The following ARHGAP44 variants were observed in gnomAD, a reference collection of about 807,000 sequenced individuals.
The protein encoded by ARHGAP44 is Rho GTPase activating protein 44, also known as rho GTPase-activating protein 44.
In ARHGAP44, 43 loss-of-function variants were observed where a neutral mutation model predicts 106.8. That is an observed-to-expected ratio of 0.40 (90% CI 0.32 to 0.52). The LOEUF (loss-of-function observed/expected upper bound fraction) is 0.52. Ranked by LOEUF, ARHGAP44 falls within the 20% of genes least tolerant of loss-of-function variation. ARHGAP44 has a pLI of 0.48. For missense variants in ARHGAP44, 866 were observed against 1,050.5 expected (o/e 0.82, Z 2.43); for synonymous variants, 439 against 410.3 (o/e 1.07, Z -0.85).
chr17:12,846,768 A>G (rs1051163801), intron 1 of ARHGAP44, among the ~76,000 whole-genome samples: 5 of 152,388 alleles, frequency 3.3e-5, no homozygotes, highest in Admixed American at 3.3e-4. Context: ...ACAGGACCAC[A>G]GACTATTGAC....
chr17:12,983,660 CAG>C (rs1567724364), intron 19 of ARHGAP44, among the ~76,000 whole-genome samples: 1 of 151,606 alleles, frequency 6.6e-6, no homozygotes, highest in Non-Finnish European at 1.5e-5. Context: ...CAAAATTAGC[CAG>C]GCGTGGTGGT....
In ARHGAP44 at chr17:12,810,373, G is replaced by T. The variant is rs546002735; in HGVS notation, c.53+20482G>T. On this transcript the variant is annotated intron_variant, in intron 1 of 20. Transcript: ENST00000379672. Reference sequence around the variant, plus strand: ...TTTAGGATAAGGAATATCTTATCTTGGTTCCCAGTTTCTGGCACAAAGCTT... The same window carrying T: ...TTTAGGATAAGGAATATCTTATCTTTGTTCCCAGTTTCTGGCACAAAGCTT... 5.3e-5 allele frequency among the ~76,000 whole-genome samples: 8 copies of T among 152,252 alleles called. 1 individual carries two copies. Among genetic ancestry groups the T allele is most frequent in the Admixed American group, 5.2e-4 (8 of 15,302 alleles).
chr17:12,819,124 C>T (rs1387784875), intron 1 of ARHGAP44, among the ~76,000 whole-genome samples: 1 of 152,002 alleles, frequency 6.6e-6, no homozygotes, highest in African/African-American at 2.4e-5. Context: ...TACACAAATA[C>T]GATCAATTGA....
intron 17 of ARHGAP44, chr17:12,973,826 A>T (rs943631040): frequency 3.5e-6 from 2 of 569,484 alleles, no homozygotes; most frequent in Non-Finnish European, 6.2e-6. Context: ...TGTGGCCGCC[A>T]GCGCTGCCGA....
chr17:12,915,838 G>A, intron 4 of ARHGAP44, 62 bp from the exon 5 acceptor site: 3 of 1,418,150 alleles, frequency 2.1e-6, no homozygotes, highest in Non-Finnish European at 2.9e-6. Context: ...TGAGGGGAGG[G>A]TAACGCCAGT....
chr17:12,870,299 C>G (rs1443560721), intron 1 of ARHGAP44, among the ~76,000 whole-genome samples: 6 of 152,126 alleles, frequency 3.9e-5, no homozygotes, highest in Non-Finnish European at 1.5e-5. Context: ...GTTCTCCCGC[C>G]TCAGTACTGT....
chr17:12,981,872 G>T (rs756600194), intron 19 of ARHGAP44, among the ~76,000 whole-genome samples: 1 of 152,056 alleles, frequency 6.6e-6, no homozygotes, highest in Non-Finnish European at 1.5e-5. Context: ...TCAGCTGGGC[G>T]TGGTGGTGGG....
intron 16 of ARHGAP44, among the ~76,000 whole-genome samples, chr17:12,965,446 G>A (rs1275084995): frequency 6.6e-6 from 1 of 152,126 alleles, no homozygotes; most frequent in Non-Finnish European, 1.5e-5. Context: ...CACTGCAAAG[G>A]GCTTGTCCCA....
chr17:12,955,665 G>A (rs1428922618), intron 13 of ARHGAP44: 3 of 502,960 alleles, frequency 6.0e-6, no homozygotes, highest in East Asian at 3.5e-5. Context: ...ACCTGACCCA[G>A]TGAGATCTGA....
At chr17:12,819,246 A>T (rs1045344809) in intron 1 of ARHGAP44, among the ~76,000 whole-genome samples, 2 of 152,028 alleles carry the variant, frequency 1.3e-5, no homozygotes, top group African/African-American at 4.8e-5. Flanking sequence ...TATTTTTGAG[A>T]TTCATACGTG....
At position 12,906,529 on chromosome 17, in the gene ARHGAP44, T is replaced by C. The variant is rs185776455; in HGVS notation, c.199-2368T>C. ...GCTCGAAGAACTCAGGGAAACACTTTAGTTGTATTTATCAGTTAGGATATT... is the reference window on the plus strand; with the variant it reads ...GCTCGAAGAACTCAGGGAAACACTTCAGTTGTATTTATCAGTTAGGATATT... On this transcript the variant is annotated intron_variant, in intron 3 of 20. Coordinates refer to ENST00000379672, the MANE Select transcript of ARHGAP44 (RefSeq NM_014859.6). Among the ~76,000 whole-genome samples, 8 of 152,342 alleles carry C rather than the reference T, an allele frequency of 5.3e-5. No homozygotes were observed. The South Asian group carries it at 1.2e-3, about 24-fold the overall frequency.
chr17:12,962,116 G>T (rs981094172), intron 16 of ARHGAP44, among the ~76,000 whole-genome samples: 7 of 151,760 alleles, frequency 4.6e-5, no homozygotes, highest in Non-Finnish European at 1.0e-4. Flanking sequence ...CAATAAAGCA[G>T]ATACTTATTT....
chr17:12,841,401 C>G (rs2035387038), intron 1 of ARHGAP44, among the ~76,000 whole-genome samples: 2 of 151,938 alleles, frequency 1.3e-5, no homozygotes, highest in South Asian at 4.2e-4. Flanking sequence ...GAGTCCGAGA[C>G]CAGCCTGGGC....
intron 1 of ARHGAP44, among the ~76,000 whole-genome samples, chr17:12,858,152 G>A (rs1330149434): frequency 1.3e-5 from 2 of 152,140 alleles, no homozygotes. Context: ...ATAGTGTGTG[G>A]GCACAGAAAT....
intron 3 of ARHGAP44, among the ~76,000 whole-genome samples, chr17:12,901,988 A>C (rs1354528620): frequency 6.6e-6 from 1 of 151,988 alleles, no homozygotes; most frequent in Non-Finnish European, 1.5e-5. Context: ...GGCTCCTATC[A>C]CATCTTCCAC....
intron 1 of ARHGAP44, among the ~76,000 whole-genome samples, chr17:12,884,816 C>A (rs2036837159): frequency 6.6e-6 from 1 of 152,148 alleles, no homozygotes; most frequent in Non-Finnish European, 1.5e-5. Flanking sequence ...TGGCTTTTTA[C>A]ACTGAGCGTA....
chr17:12,856,548 C>T (rs1336096079), intron 1 of ARHGAP44, among the ~76,000 whole-genome samples: 4 of 152,196 alleles, frequency 2.6e-5, no homozygotes, highest in African/African-American at 9.6e-5. Context: ...TGCCTGTCCT[C>T]ACTATCTTTC....
At chr17:12,972,850 A>G (rs1389338724) in intron 16 of ARHGAP44, among the ~76,000 whole-genome samples, 1 of 151,646 alleles carries the variant, frequency 6.6e-6, no homozygotes, top group Non-Finnish European at 1.5e-5. Flanking sequence ...TTTAGTAGAG[A>G]TGGGGTTTCA....
Position 12,984,383 on chromosome 17 carries a change from C to T in ARHGAP44, c.1940-148C>T, listed in dbSNP as rs558391613. On this transcript the variant is annotated intron_variant, in intron 19 of 20. Transcript: ENST00000379672. Reference sequence around the variant, plus strand: ...GGCTGCTGTCAATGTGGCAAGAGGCCGGGGGGCAGGGCAGGGAGGTGTGGG... The same window carrying T: ...GGCTGCTGTCAATGTGGCAAGAGGCTGGGGGGCAGGGCAGGGAGGTGTGGG... The T allele has an allele frequency of 8.9e-5, 61 of 681,772 alleles. No individual in the cohort carries two copies. The East Asian group carries it at 1.6e-3, about 18-fold the overall frequency. 42.2% of individuals were successfully genotyped at this position (681,772 alleles called of 1,614,324 possible). A position where few individuals can be genotyped will look rare whatever the true frequency, so the allele number is the denominator to read the frequency against.
Sources: allele counts gnomAD v4.1 joint callset (sites outside exome capture counted in the v4.1 genomes callset), GRCh38; gene constraint gnomAD v4.1.1; transcripts MANE v1.5; gene names NCBI Gene and HGNC (gene_info 2026-07-23, HGNC 2026-07-21).